ZNF521: variants seen among roughly 807,000 people sequenced by gnomAD.
ZNF521 encodes the protein zinc finger protein 521.
A neutral mutation model predicts 105.5 loss-of-function variants in ZNF521; 14 were observed. The ratio of observed to expected loss-of-function variants is 0.13; its 90% CI spans 0.09 to 0.21. The LOEUF (loss-of-function observed/expected upper bound fraction) is 0.21. ZNF521 is among the 10% of genes least tolerant of loss of function. ZNF521 has a pLI of 1.00. For missense variants in ZNF521, 1,233 were observed against 1,629.7 expected (o/e 0.76, Z 4.19); for synonymous variants, 635 against 606.0 (o/e 1.05, Z -0.70).
intron 7 of ZNF521, among the ~76,000 whole-genome samples, chr18:25,084,365 T>A (rs920414437): frequency 1.3e-5 from 2 of 150,952 alleles, no homozygotes; most frequent in African/African-American, 2.4e-5. Context: ...TCATTTTTCC[T>A]TCAGCAATAT....
chr18:25,120,802 T>C (rs1313767909), intron 5 of ZNF521, among the ~76,000 whole-genome samples: 7 of 152,218 alleles, frequency 4.6e-5, no homozygotes, highest in African/African-American at 1.7e-4. Context: ...AAAACTGATC[T>C]GTGAACAAAT....
At chr18:25,202,350 T>A (rs894680118) in intron 4 of ZNF521, 1 of 152,178 alleles carries the variant, frequency 6.6e-6, no homozygotes, top group African/African-American at 2.4e-5. Flanking sequence ...GCTATTTACA[T>A]AGCGCTTATA....
chr18:25,062,752 C>CAAAAAAAGAAAAAA lies in ZNF521; in HGVS notation c.3907-12_3907-11insTTTTTTCTTTTTTT. On this transcript the variant is annotated splice_polypyrimidine_tract_variant and intron_variant, in intron 7 of 7. Transcript: ENST00000361524. ...GGTCATTGTATGATTCTGTAAATAA[C>CAAAAAAAGAAAAAA]AAAAAAAAAAAAAAAAAAAAAAAAA... 2.8e-6 allele frequency: 1 copy of CAAAAAAAGAAAAAA among 359,496 alleles called. No individual in the cohort carries two copies. The highest frequency in any genetic ancestry group is 3.3e-5 in the South Asian group (1 of 29,930). The allele number at this position is 359,496 out of a possible 1,614,324, so 22.3% of individuals were successfully genotyped here. A position where few individuals can be genotyped will look rare whatever the true frequency, so the allele number is the denominator to read the frequency against.
At position 25,346,739 on chromosome 18, in the gene ZNF521, C is replaced by T. The variant is rs536741848; in HGVS notation, c.40+4168G>A. Among the ~76,000 whole-genome samples, 80 of 152,326 alleles carry T rather than the reference C, an allele frequency of 5.3e-4. 1 individual carries two copies. Among genetic ancestry groups the T allele is most frequent in the Non-Finnish European group, 9.7e-4 (66 of 68,026 alleles). On this transcript the variant is annotated intron_variant, in intron 2 of 7. Coordinates refer to ENST00000361524, the MANE Select transcript of ZNF521 (RefSeq NM_015461.3). The stretch of plus-strand genomic sequence containing the variant: ...AGTTACAAAGGGTTAGCTACTGTGA[C>T]GGCCAAGTTAAACAAGGCACTTCTG...
chr18:25,300,307 A>G (rs1489469885), intron 3 of ZNF521, among the ~76,000 whole-genome samples: 1 of 152,236 alleles, frequency 6.6e-6, no homozygotes, highest in Non-Finnish European at 1.5e-5. Context: ...CAATAAAAGT[A>G]ATAAATTCTT....
chr18:25,145,803 T>C (rs1051993074), intron 5 of ZNF521, among the ~76,000 whole-genome samples: 2 of 152,156 alleles, frequency 1.3e-5, no homozygotes, highest in African/African-American at 4.8e-5. Flanking sequence ...TTTCCATAGG[T>C]TTGATTTCAC....
At chr18:25,117,345 C>T (rs1018705823) in intron 5 of ZNF521, among the ~76,000 whole-genome samples, 1 of 151,990 alleles carries the variant, frequency 6.6e-6, no homozygotes, top group Non-Finnish European at 1.5e-5. Flanking sequence ...TCAGCCTCCT[C>T]TGGAAGAATG....
At chr18:25,140,565 C>T (rs569705628) in intron 5 of ZNF521, among the ~76,000 whole-genome samples, 3 of 152,266 alleles carry the variant, frequency 2.0e-5, no homozygotes, top group African/African-American at 7.2e-5. Context: ...GTCAGCATAT[C>T]CTCCATAGCA....
At chr18:25,100,381 C>G (rs528881227) in intron 5 of ZNF521, among the ~76,000 whole-genome samples, 1 of 152,146 alleles carries the variant, frequency 6.6e-6, no homozygotes, top group East Asian at 1.9e-4. Context: ...TTCTAAGAAA[C>G]TATATTATTG....
At chr18:25,325,216 T>C (rs1913148949) in intron 2 of ZNF521, among the ~76,000 whole-genome samples, 1 of 152,190 alleles carries the variant, frequency 6.6e-6, no homozygotes, top group Non-Finnish European at 1.5e-5. Context: ...TCAAAAGATG[T>C]GTTTATTTGT....
rs115953769 is a variant in ZNF521 at position 25,080,832 on chromosome 18, A to G, written c.3906+8633T>C. On this transcript the variant is annotated intron_variant, in intron 7 of 7. Transcript: ENST00000361524. ...ACTTTGTCTCTGCTAATGTGAGGAA[A>G]CTGATCCATGTGTGGTGCAAACATC... Among the ~76,000 whole-genome samples the G allele has an allele frequency of 3.0e-3, 461 of 152,328 alleles. 2 individuals are homozygous for G. Among genetic ancestry groups the G allele is most frequent in the African/African-American group, 0.011 (438 of 41,570 alleles).
intron 3 of ZNF521, among the ~76,000 whole-genome samples, chr18:25,253,868 G>A (rs1908288061): frequency 6.6e-6 from 1 of 152,050 alleles, no homozygotes; most frequent in African/African-American, 2.4e-5. Context: ...AGATGTGGGG[G>A]GGAACTATTT....
chr18:25,252,107 A>G (rs138866982), intron 3 of ZNF521, among the ~76,000 whole-genome samples: 4 of 152,310 alleles, frequency 2.6e-5, no homozygotes, highest in South Asian at 2.1e-4. Context: ...TGTGGCTAAT[A>G]GCTTTTGTAT....
chr18:25,102,067 T>C (rs2033975711), intron 5 of ZNF521, among the ~76,000 whole-genome samples: 1 of 152,204 alleles, frequency 6.6e-6, no homozygotes, highest in South Asian at 2.1e-4. Context: ...TTCCAGACTA[T>C]ATTTTGGATA....
chr18:25,133,067 A>C (rs1002496391), intron 5 of ZNF521, among the ~76,000 whole-genome samples: 31 of 152,194 alleles, frequency 2.0e-4, no homozygotes, highest in African/African-American at 7.2e-4. Flanking sequence ...CAGTGATATC[A>C]CATTATCTGC....
intron 5 of ZNF521, among the ~76,000 whole-genome samples, chr18:25,146,232 A>G (rs1033621383): frequency 6.6e-6 from 1 of 152,166 alleles, no homozygotes; most frequent in Non-Finnish European, 1.5e-5. Flanking sequence ...AACCCTCCTA[A>G]GTGGATAATG....
intron 4 of ZNF521, chr18:25,202,033 A>T (rs1243616672): frequency 1.3e-5 from 2 of 152,168 alleles, no homozygotes. Flanking sequence ...TTGACAGGTT[A>T]TTATGGGGAT....
intron 2 of ZNF521, among the ~76,000 whole-genome samples, chr18:25,349,384 G>A (rs1914602408): frequency 6.6e-6 from 1 of 152,166 alleles, no homozygotes; most frequent in South Asian, 2.1e-4. Context: ...AAAATGAGGG[G>A]CCCATGTGAC....
At chr18:25,172,231 C>T (rs2035461619) in intron 5 of ZNF521, among the ~76,000 whole-genome samples, 1 of 152,132 alleles carries the variant, frequency 6.6e-6, no homozygotes, top group Non-Finnish European at 1.5e-5. Context: ...ATTTCTCACG[C>T]CTCCTAGGAT....
Sources: gnomAD v4.1 joint callset for allele counts (sites outside exome capture counted in the v4.1 genomes callset) on GRCh38, gnomAD v4.1.1 for gene constraint, MANE v1.5 for transcripts, NCBI Gene and HGNC (gene_info 2026-07-23, HGNC 2026-07-21) for gene names.